Variants in FSTL4 observed in about 807,000 individuals in gnomAD.
FSTL4 encodes follistatin like 4.
In FSTL4, 28 loss-of-function variants were observed where a neutral mutation model predicts 78.2. That is an observed-to-expected ratio of 0.36 (90% CI 0.27 to 0.49). The LOEUF is 0.49. Among genes scored for constraint, FSTL4 ranks in the 20% least tolerant of loss-of-function variants. The pLI, the probability that FSTL4 is intolerant of heterozygous loss-of-function variation, is 0.98. For missense variants in FSTL4, 922 were observed against 1,084.9 expected (o/e 0.85, Z 2.11); for synonymous variants, 422 against 440.5 (o/e 0.96, Z 0.53).
intron 7 of FSTL4, among the ~76,000 whole-genome samples, chr5:133,240,081 A>AC (rs1159786367): frequency 6.6e-6 from 1 of 152,166 alleles, no homozygotes; most frequent in Non-Finnish European, 1.5e-5. Flanking sequence ...GTTTACACTG[A>AC]CTTTATCAGC....
intron 3 of FSTL4, among the ~76,000 whole-genome samples, chr5:133,522,069 A>C (rs138006221): frequency 6.6e-6 from 1 of 152,246 alleles, no homozygotes; most frequent in East Asian, 1.9e-4. Flanking sequence ...AGGCCCTCAG[A>C]GTTCCCCACA....
At chr5:133,237,903 G>T (rs1005727876) in intron 7 of FSTL4, among the ~76,000 whole-genome samples, 1 of 151,210 alleles carries the variant, frequency 6.6e-6, no homozygotes, top group African/African-American at 2.4e-5. Flanking sequence ...CAAAATCAAG[G>T]TTCCTTACAG....
At chr5:133,714,468 G>A in the FSTL4 span, among the ~76,000 whole-genome samples, 2 of 152,208 alleles carry the variant, frequency 1.3e-5, no homozygotes, top group African/African-American at 4.8e-5. Context: ...GAAGATGAGA[G>A]CTCTGCAGAT....
At chr5:133,622,678 G>C in the FSTL4 span, among the ~76,000 whole-genome samples, 7 of 152,012 alleles carry the variant, frequency 4.6e-5, no homozygotes, top group African/African-American at 1.7e-4. Context: ...TCATGATGTT[G>C]AACATCTTTT....
chr5:133,532,138 C>T (rs1561459432), intron 3 of FSTL4, among the ~76,000 whole-genome samples: 1 of 152,156 alleles, frequency 6.6e-6, no homozygotes, highest in South Asian at 2.1e-4. Flanking sequence ...GAGAAGGAGA[C>T]ATGATGACAG....
intron 8 of FSTL4, among the ~76,000 whole-genome samples, chr5:133,230,230 G>A (rs1480820859): frequency 2.0e-5 from 3 of 149,822 alleles, no homozygotes; most frequent in African/African-American, 4.8e-5. Flanking sequence ...GGGGCAGGTC[G>A]GGGGAGCCTG....
rs1032995165 is a variant in FSTL4 at position 133,504,216 on chromosome 5, C to T, written c.160+62970G>A. On this transcript the variant is annotated intron_variant, in intron 3 of 15. Coordinates refer to ENST00000265342, the MANE Select transcript of FSTL4 (RefSeq NM_015082.2). ...CCCCCAAAAGACCTGGTCCTCCCCC[C>T]GAAACTCCCTGTATTAGTGTTTAGT... Among the ~76,000 whole-genome samples, 5 of 152,170 alleles carry T rather than the reference C, an allele frequency of 3.3e-5. No homozygotes were observed. The East Asian group carries it at 5.8e-4, about 18-fold the overall frequency.
chr5:133,201,999 C>T lies in FSTL4; in HGVS notation c.1760G>A (p.Arg587His), dbSNP rs763576209. The change falls in exon 15 of 16, where the codon CGC (arginine) becomes CAC (histidine). Residue 587 changes from arginine (R) to histidine (H), a missense_variant. Arg to His is a conservative substitution (Grantham distance 29). Coordinates refer to ENST00000265342, the MANE Select transcript of FSTL4 (RefSeq NM_015082.2). ...ASTGQSQHLI[R>H]TPFAGVDDFF... ...ATCATCCACTCCTGCAAAGGGTGTGCGGATGAGGTGCTGGCTCTGGCCGGT... is the reference window on the plus strand; with the variant it reads ...ATCATCCACTCCTGCAAAGGGTGTGTGGATGAGGTGCTGGCTCTGGCCGGT... The T allele has an allele frequency of 5.6e-5, 91 of 1,611,762 alleles. No homozygotes were observed. In the East Asian group the frequency reaches 7.4e-4, roughly 13 times the overall value.
chr5:133,341,437 T>C (rs4958117), intron 4 of FSTL4, among the ~76,000 whole-genome samples: 100,221 of 151,892 alleles, frequency 0.66, 34,009 homozygotes, highest in African/African-American at 0.82. Context: ...AGAACACGGC[T>C]TCTCCTGGCA....
chr5:133,453,601 G>A (rs1158594777), intron 3 of FSTL4, among the ~76,000 whole-genome samples: 1 of 152,208 alleles, frequency 6.6e-6, no homozygotes, highest in Non-Finnish European at 1.5e-5. Flanking sequence ...ACCCAAGGCT[G>A]TCAACTTGGA....
intron 3 of FSTL4, among the ~76,000 whole-genome samples, chr5:133,476,133 A>C (rs542306796): frequency 1.1e-4 from 17 of 152,294 alleles, no homozygotes; most frequent in African/African-American, 3.8e-4. Context: ...TGGGGCAAAA[A>C]CGGGCAAAAA....
chr5:133,837,530 G>A, the FSTL4 span, among the ~76,000 whole-genome samples: 2 of 152,134 alleles, frequency 1.3e-5, no homozygotes, highest in African/African-American at 4.8e-5. Context: ...TCAAGAGAGG[G>A]TTCATGTTTG....
At chr5:133,666,673 T>C in the FSTL4 span, among the ~76,000 whole-genome samples, 1 of 152,202 alleles carries the variant, frequency 6.6e-6, no homozygotes, top group African/African-American at 2.4e-5. Flanking sequence ...TCGTGCGATA[T>C]AGTTTCTGAG....
rs75331824 is a variant in FSTL4 at position 133,598,069 on chromosome 5, C to T, written c.126+5789G>A. On this transcript the variant is annotated intron_variant, in intron 2 of 15. Transcript: ENST00000265342. ...GGTTGTTTAAGTTCATCTTTCCCAT[C>T]ACCTACCTGCCCACTAAGCTAGTCT... 1.4e-3 allele frequency among the ~76,000 whole-genome samples: 209 copies of T among 152,310 alleles called. 2 individuals are homozygous for T. In the East Asian group the frequency reaches 0.038, roughly 27 times the overall value.
intron 13 of FSTL4, among the ~76,000 whole-genome samples, chr5:133,216,209 A>G (rs924064907): frequency 2.6e-5 from 4 of 152,198 alleles, no homozygotes; most frequent in Non-Finnish European, 5.9e-5. Context: ...TGTTTAAAAT[A>G]TGTCAAGAAA....
chr5:133,225,038 G>A lies in FSTL4; in HGVS notation c.1312+112C>T. Reference sequence around the variant, plus strand: ...AAAGAGGGATATGAGGCTTACCCCTGTCTTCACGGGCTCATGGTTGGCAGC... The same window carrying A: ...AAAGAGGGATATGAGGCTTACCCCTATCTTCACGGGCTCATGGTTGGCAGC... On this transcript the variant is annotated intron_variant, in intron 10 of 15. Coordinates refer to ENST00000265342, the MANE Select transcript of FSTL4 (RefSeq NM_015082.2). This position sits in a 1 kb window ranked among gnomAD's most constrained non-coding sequence, Gnocchi z 4.6. 1 of 1,254,474 alleles carries A rather than the reference G, an allele frequency of 8.0e-7. No individual in the cohort carries two copies. The highest frequency in any genetic ancestry group is 1.1e-6 in the Non-Finnish European group (1 of 871,830). The allele number at this position is 1,254,474 out of a possible 1,614,324, so 77.7% of individuals were successfully genotyped here. A position where few individuals can be genotyped will look rare whatever the true frequency, so the allele number is the denominator to read the frequency against.
chr5:133,203,693 G>T (rs1319537460), intron 14 of FSTL4, among the ~76,000 whole-genome samples: 1 of 152,206 alleles, frequency 6.6e-6, no homozygotes, highest in Non-Finnish European at 1.5e-5. Context: ...AGTCTGAAAA[G>T]AAAATGCCAG....
the FSTL4 span, among the ~76,000 whole-genome samples, chr5:133,695,623 C>A: frequency 1.3e-5 from 2 of 152,130 alleles, no homozygotes; most frequent in African/African-American, 4.8e-5. Flanking sequence ...CCACTGAACC[C>A]AACATTCAAG....
At chr5:133,385,744 T>C (rs555724387) in intron 4 of FSTL4, among the ~76,000 whole-genome samples, 4 of 152,328 alleles carry the variant, frequency 2.6e-5, no homozygotes, top group African/African-American at 9.6e-5. Context: ...CAGTGTGGCA[T>C]AGTAGAAGGA....
Sources: allele counts gnomAD v4.1 joint callset (sites outside exome capture counted in the v4.1 genomes callset), GRCh38; gene constraint gnomAD v4.1.1; non-coding constraint Gnocchi (gnomAD v3.1); transcripts MANE v1.5; gene names NCBI Gene and HGNC (gene_info 2026-07-23, HGNC 2026-07-21).